Variants in NOTCH3 observed in about 807,000 individuals in gnomAD.
NOTCH3 encodes the protein neurogenic locus notch homolog protein 3.
A neutral mutation model predicts 213.3 loss-of-function variants in NOTCH3; 86 were observed. The ratio of observed to expected loss-of-function variants is 0.40; its 90% CI spans 0.34 to 0.48. The LOEUF (loss-of-function observed/expected upper bound fraction) is 0.48. Ranked by LOEUF, NOTCH3 falls within the 20% of genes least tolerant of loss-of-function variation. The pLI, the probability that NOTCH3 is intolerant of heterozygous loss-of-function variation, is 0.57. For missense variants in NOTCH3, 2,783 were observed against 3,272.6 expected (o/e 0.85, Z 3.65); for synonymous variants, 1,354 against 1,355.9 (o/e 1.00, Z 0.03).
At chr19:15,188,945 C>T (rs1370955411) in intron 8 of NOTCH3, 44 bp downstream of exon 8, 8 of 1,575,506 alleles carry the variant, frequency 5.1e-6, no homozygotes, top group African/African-American at 1.4e-5. Flanking sequence ...TCTCTGTCCC[C>T]GCCCCCTGCC....
chr19:15,161,418 C>T lies in NOTCH3; in HGVS notation c.6210G>A (p.Ala2070=), dbSNP rs899099426. ...CCCGGGGCCCCTGCGGCCCCAGCCC[C>T]GCCTTCCCGGGGGGCCTCCTGCTCT... ...SKKSRRPPGK[A]GLGPQGPRGR... Residue 2070 remains alanine, a synonymous_variant, in exon 33 of 33, where the codon GCG becomes GCA. Transcript: ENST00000263388. 6 of 1,530,068 alleles carry T rather than the reference C, an allele frequency of 3.9e-6. No homozygotes were observed. Among genetic ancestry groups the T allele is most frequent in the African/African-American group, 2.8e-5 (2 of 72,534 alleles). The allele number at this position is 1,530,068 out of a possible 1,614,324, so 94.8% of individuals were successfully genotyped here.
In NOTCH3 at chr19:15,159,812, T is replaced by C. The variant is rs2046624624; in HGVS notation, c.*850A>G. On this transcript the variant is annotated 3_prime_UTR_variant, in exon 33 of 33. Coordinates refer to ENST00000263388, the MANE Select transcript of NOTCH3 (RefSeq NM_000435.3). ...GATTACCAGGAAGAGAAAGTACCAC[T>C]CAGGCAGCTCCTCTTCTTGTAGTCC... The C allele has an allele frequency of 4.3e-6, 1 of 233,472 alleles. No individual in the cohort carries two copies. The highest frequency in any genetic ancestry group is 1.8e-4 in the South Asian group (1 of 5,534). 14.5% of individuals were successfully genotyped at this position (233,472 alleles called of 1,614,324 possible). A position where few individuals can be genotyped will look rare whatever the true frequency, so the allele number is the denominator to read the frequency against.
intron 24 of NOTCH3, among the ~76,000 whole-genome samples, chr19:15,174,654 G>A (rs2046772958): frequency 6.6e-6 from 1 of 151,328 alleles, no homozygotes. Flanking sequence ...GCTCACTGCA[G>A]CCTCCACCTC....
In NOTCH3 at chr19:15,161,495, G is replaced by C. The variant is rs1264204059; in HGVS notation, c.6133C>G (p.Pro2045Ala). The C allele has an allele frequency of 6.3e-7, 1 of 1,586,850 alleles. No individual in the cohort carries two copies. The change falls in exon 33 of 33, where the codon CCT (proline) becomes GCT (alanine). Residue 2045 changes from proline to alanine, a missense_variant. Pro to Ala is a conservative substitution (Grantham distance 27). Around this residue, in one of 6 missense-constraint regions of NOTCH3, gnomAD observed 441 missense variants for 432.1 expected, o/e 1.02. Coordinates refer to ENST00000263388, the MANE Select transcript of NOTCH3 (RefSeq NM_000435.3). ...AGGCCAGGGAGGAAGGCCCCTGGAG[G>C]ACAGAGCAGAGGCCCCAGGCCGTGG... ...GPHGLGPLLC[P>A]PGAFLPGLKA...
intron 24 of NOTCH3, among the ~76,000 whole-genome samples, chr19:15,175,308 G>A (rs925468777): frequency 2.1e-5 from 3 of 139,802 alleles, no homozygotes; most frequent in East Asian, 2.1e-4. Flanking sequence ...CAAGGTGTAC[G>A]GATAACCTGA....
At position 15,191,474 on chromosome 19, in the gene NOTCH3, C is replaced by T. The variant is rs2046925963; in HGVS notation, c.986G>A (p.Cys329Tyr). 1 of 1,613,408 alleles carries T rather than the reference C, an allele frequency of 6.2e-7. No homozygotes were observed. The highest frequency in any genetic ancestry group is 8.5e-7 in the Non-Finnish European group (1 of 1,180,040). Residue 329 changes from cysteine to tyrosine, a missense_variant, in exon 6 of 33, where the codon TGC (cysteine) becomes TAC (tyrosine). Physicochemically the swap from Cys to Tyr is radical, Grantham distance 194. Transcript: ENST00000263388. The part of the protein sequence containing the change: ...ATAVCFHGAT[C>Y]HDRVASFYCA... ...GTAGAAAGAAGCCACGCGGTCATGGCAGGTGGCCCCATGGAAGCACACGGC... is the reference window on the plus strand; with the variant it reads ...GTAGAAAGAAGCCACGCGGTCATGGTAGGTGGCCCCATGGAAGCACACGGC...
At chr19:15,162,208 C>G (rs934722015) in intron 32 of NOTCH3, 1 of 502,666 alleles carries the variant, frequency 2.0e-6, no homozygotes, top group South Asian at 2.1e-5. Context: ...TCTCAAACTC[C>G]TGAACTCAAG....
Position 15,161,112 on chromosome 19 carries a change from C to T in NOTCH3, c.6516G>A (p.Trp2172Ter). 6.5e-7 allele frequency: 1 copy of T among 1,539,660 alleles called. No individual in the cohort carries two copies. The highest frequency in any genetic ancestry group is 8.7e-7 in the Non-Finnish European group (1 of 1,148,742). Residue 2172 changes from tryptophan to a stop codon, truncating the protein, a stop_gained, in exon 33 of 33, where the codon TGG becomes TGA. Transcript: ENST00000263388. LOFTEE classifies it low-confidence loss of function (END_TRUNC). The part of the protein sequence containing the change: ...LLNPVAVPLD[W>*]ARLPPPAPPG... ...GAGGGGCAGGTGGGGGCAGCCGGGC[C>T]CAATCGAGGGGCACAGCCACAGGGT...
At chr19:15,196,869 T>A (rs2046973770) in intron 2 of NOTCH3, among the ~76,000 whole-genome samples, 2 of 152,298 alleles carry the variant, frequency 1.3e-5, no homozygotes, top group South Asian at 4.1e-4. Context: ...TCTGCTCAGC[T>A]CCTTCCCAGC....
chr19:15,168,525 T>G (rs932848001), intron 28 of NOTCH3, among the ~76,000 whole-genome samples: 17 of 152,082 alleles, frequency 1.1e-4, no homozygotes, highest in Non-Finnish European at 2.1e-4. Context: ...ATGGACTCAA[T>G]TGTGCCCCCT....
rs370422650 is a variant in NOTCH3, at chr19:15,181,630, G to T, written c.2738C>A (p.Pro913Gln). ...DHVASFTCTC[P>Q]PGYGGFHCEQ... ...GCAGTGGAAGCCTCCGTAGCCTGGCGGGCAGGTGCAGGTGAAGGAGGCCAC... is the reference window on the plus strand; with the variant it reads ...GCAGTGGAAGCCTCCGTAGCCTGGCTGGCAGGTGCAGGTGAAGGAGGCCAC... The change falls in exon 17 of 33, where the codon CCG becomes CAG. Residue 913 changes from proline (P) to glutamine (Q), a missense_variant. Transcript: ENST00000263388. 14 of 1,551,268 alleles carry T rather than the reference G, an allele frequency of 9.0e-6. No homozygotes were observed. Among genetic ancestry groups the T allele is most frequent in the Non-Finnish European group, 1.2e-5 (14 of 1,147,236 alleles).
chr19:15,177,595 C>A lies in NOTCH3; in HGVS notation c.4333G>T (p.Ala1445Ser), dbSNP rs377578886. The A allele has an allele frequency of 4.4e-5, 70 of 1,601,240 alleles. No homozygotes were observed. In the Middle Eastern group the frequency reaches 1.5e-3, roughly 35 times the overall value. The change falls in exon 24 of 33, where the codon GCC (alanine) becomes TCC (serine). Residue 1445 changes from alanine to serine, a missense_variant. Around this residue, in one of 6 missense-constraint regions of NOTCH3, gnomAD observed 636 missense variants for 801.8 expected, o/e 0.79. Coordinates refer to ENST00000263388, the MANE Select transcript of NOTCH3 (RefSeq NM_000435.3). ...RLFNNSRCDP[A>S]CSSPACLYDN... ...TAGAGGCAGGCGGGCGAGCTGCAGG[C>A]GGGGTCGCAGCGGCTGTTGTTGAAG...
chr19:15,174,385 C>G lies in NOTCH3; in HGVS notation c.4419G>C (p.Lys1473Asn), dbSNP rs1483290724. The change falls in exon 25 of 33, where the codon AAG becomes AAC. Residue 1473 changes from lysine (K) to asparagine (N), a missense_variant. Around this residue, in one of 6 missense-constraint regions of NOTCH3, gnomAD observed 636 missense variants for 801.8 expected, o/e 0.79. Transcript: ENST00000263388. Reference protein sequence around the residue: ...RERTCNPVYEKYCADHFADGR... With the variant: ...RERTCNPVYENYCADHFADGR... ...CGTCGGCAAAGTGGTCGGCGCAGTA[C>G]TTCTCGTACACCGGGCTGGTGGGGA... 4 of 1,532,458 alleles carry G rather than the reference C, an allele frequency of 2.6e-6. No individual in the cohort carries two copies. The highest frequency in any genetic ancestry group is 4.0e-5 in the Admixed American group (2 of 50,224). 94.9% of individuals were successfully genotyped at this position (1,532,458 alleles called of 1,614,324 possible). A position where few individuals can be genotyped will look rare whatever the true frequency, so the allele number is the denominator to read the frequency against.
intron 28 of NOTCH3, among the ~76,000 whole-genome samples, 186 bp downstream of exon 28, chr19:15,169,900 T>A (rs1248875364): frequency 6.6e-6 from 1 of 152,122 alleles, no homozygotes; most frequent in African/African-American, 2.4e-5. Context: ...CAAATCTTCC[T>A]CCCTCTGAGG....
At chr19:15,162,763 G>C (rs1451311093) in intron 31 of NOTCH3, among the ~76,000 whole-genome samples, 1 of 36,400 alleles carries the variant, frequency 2.7e-5, no homozygotes, top group Non-Finnish European at 8.0e-5. Flanking sequence ...TTGTGTCTGT[G>C]TGTGTGTGTT....
chr19:15,190,013 G>A (rs748734844), intron 6 of NOTCH3, among the ~76,000 whole-genome samples: 8 of 151,968 alleles, frequency 5.3e-5, no homozygotes, highest in Non-Finnish European at 7.4e-5. Context: ...AGTGGCTCAC[G>A]TCTATAATCC....
intron 2 of NOTCH3, among the ~76,000 whole-genome samples, chr19:15,196,409 C>T (rs916332259): frequency 6.6e-6 from 1 of 151,908 alleles, no homozygotes; most frequent in Admixed American, 6.6e-5. Flanking sequence ...CAGCCCTCCA[C>T]AAAGGTGAGC....
At chr19:15,173,991 T>A in intron 25 of NOTCH3, 77 bp downstream of exon 25, 1 of 1,278,296 alleles carries the variant, frequency 7.8e-7, no homozygotes, top group Non-Finnish European at 1.1e-6. Context: ...TTAAGTGAAA[T>A]GAAACACACA....
At position 15,186,874 on chromosome 19, in the gene NOTCH3, C is replaced by T. The variant is rs932070111; in HGVS notation, c.1951+4G>A. ...ACCCCCTCTCATGGCAGCCACTTGC[C>T]CACCTGTGAAGCCAGGTTGGCAGAC... On this transcript the variant is annotated splice_donor_region_variant and intron_variant, in intron 12 of 32. Transcript: ENST00000263388. 22 of 1,613,436 alleles carry T rather than the reference C, an allele frequency of 1.4e-5. No individual in the cohort carries two copies. The highest frequency in any genetic ancestry group is 1.8e-5 in the Non-Finnish European group (21 of 1,179,500).
Sources: gnomAD v4.1 joint callset for allele counts (sites outside exome capture counted in the v4.1 genomes callset) on GRCh38, gnomAD v4.1.1 for gene constraint, gnomAD v4.1.1 regional missense constraint, MANE v1.5 for transcripts, NCBI Gene and HGNC (gene_info 2026-07-23, HGNC 2026-07-21) for gene names.